PTPRM: variants seen among roughly 807,000 people sequenced by gnomAD.
PTPRM encodes the protein protein tyrosine phosphatase receptor type M, also known as receptor-type tyrosine-protein phosphatase mu.
In PTPRM, 47 loss-of-function variants were observed where a neutral mutation model predicts 186.7. The observed-to-expected ratio is 0.25, with a 90% CI of 0.20 to 0.32. The LOEUF is 0.32. Ranked by LOEUF, PTPRM falls within the 10% of genes least tolerant of loss-of-function variation. The pLI is 1.00. For synonymous variants in PTPRM, 668 were observed against 674.9 expected (o/e 0.99, Z 0.16); for missense variants, 1,494 against 1,865.0 (o/e 0.80, Z 3.66).
chr18:7,937,585 A>G (rs62090940), intron 5 of PTPRM, among the ~76,000 whole-genome samples: 13,579 of 152,296 alleles, frequency 0.089, 643 homozygotes, highest in Middle Eastern at 0.26. Context: ...GGGCCCGAGC[A>G]AAACTCAGGT....
At chr18:7,731,034 A>G (rs1285827417) in intron 1 of PTPRM, among the ~76,000 whole-genome samples, 5 of 152,204 alleles carry the variant, frequency 3.3e-5, no homozygotes, top group African/African-American at 1.2e-4. Context: ...TTAACCGATG[A>G]GAAAGATCAA....
rs145448477 is a variant in PTPRM at position 8,112,510 on chromosome 18, G to T, written c.1857-976G>T. 3.6e-3 allele frequency among the ~76,000 whole-genome samples: 553 copies of T among 152,300 alleles called. 3 individuals are homozygous for T. The highest frequency in any genetic ancestry group is 0.012 in the African/African-American group (512 of 41,558). On this transcript the variant is annotated intron_variant, in intron 11 of 32. Coordinates refer to ENST00000580170, the MANE Select transcript of PTPRM (RefSeq NM_001105244.2). ...TGCCTTTCTGATACTGTAAGAAAAA[G>T]ATCCCTCTTCCTGCCAGAGGACTTA... is the stretch of plus-strand genomic sequence containing the variant.
At chr18:7,792,911 C>G (rs998473690) in intron 2 of PTPRM, among the ~76,000 whole-genome samples, 2 of 152,102 alleles carry the variant, frequency 1.3e-5, no homozygotes, top group East Asian at 3.9e-4. Flanking sequence ...GTAATTCAAC[C>G]ACCTTGGCCT....
At chr18:7,603,682 G>C (rs2037461365) in intron 1 of PTPRM, among the ~76,000 whole-genome samples, 1 of 152,222 alleles carries the variant, frequency 6.6e-6, no homozygotes, top group South Asian at 2.1e-4. Flanking sequence ...TGGTAGCTTT[G>C]GCTTTAAAAT....
intron 1 of PTPRM, among the ~76,000 whole-genome samples, chr18:7,667,329 C>G (rs558984434): frequency 6.6e-6 from 1 of 152,102 alleles, no homozygotes; most frequent in Non-Finnish European, 1.5e-5. Flanking sequence ...TAAGAGTTAA[C>G]GTATTGATGC....
intron 31 of PTPRM, among the ~76,000 whole-genome samples, chr18:8,392,728 G>A (rs2095822581): frequency 6.6e-6 from 1 of 152,100 alleles, no homozygotes; most frequent in African/African-American, 2.4e-5. Flanking sequence ...GTTGCAGAGA[G>A]TAAAGAAATA....
chr18:7,717,956 G>C (rs911787934), intron 1 of PTPRM, among the ~76,000 whole-genome samples: 5 of 152,176 alleles, frequency 3.3e-5, no homozygotes, highest in Non-Finnish European at 7.3e-5. Context: ...GGAGTTGAGA[G>C]TGGCGGGCTA....
chr18:7,919,379 G>A (rs4458115), intron 4 of PTPRM, among the ~76,000 whole-genome samples: 23,225 of 151,976 alleles, frequency 0.15, 1,899 homozygotes, highest in Middle Eastern at 0.33. Context: ...TGTAATTTTT[G>A]AGTAGTATTG....
At chr18:7,597,823 G>T (rs577504893) in intron 1 of PTPRM, among the ~76,000 whole-genome samples, 1 of 152,176 alleles carries the variant, frequency 6.6e-6, no homozygotes, top group Non-Finnish European at 1.5e-5. Context: ...CTATTTGAAA[G>T]AGAGTACAAA....
intron 22 of PTPRM, among the ~76,000 whole-genome samples, chr18:8,321,309 T>C (rs1291916513): frequency 6.6e-6 from 1 of 152,196 alleles, no homozygotes; most frequent in East Asian, 1.9e-4. Flanking sequence ...ATTTTCAATA[T>C]TGAGGCCCTC....
chr18:7,973,022 A>G (rs899383409), intron 7 of PTPRM, among the ~76,000 whole-genome samples: 9 of 152,174 alleles, frequency 5.9e-5, no homozygotes, highest in African/African-American at 1.9e-4. Flanking sequence ...GTTAGAGTCT[A>G]GTACAATACA....
chr18:7,716,151 A>G (rs1052664283), intron 1 of PTPRM, among the ~76,000 whole-genome samples: 24 of 152,318 alleles, frequency 1.6e-4, no homozygotes, highest in Admixed American at 9.8e-4. Context: ...TGGTTCTGGT[A>G]CCAAAACAGA....
chr18:8,289,565 T>TATATATACATATATATATACAC (rs2095013036), intron 19 of PTPRM, among the ~76,000 whole-genome samples: 18 of 96,578 alleles, frequency 1.9e-4, no homozygotes, highest in South Asian at 1.5e-3. Context: ...TATATACACA[T>TATATATACATATATATATACAC]ATATATATAT....
At chr18:8,156,414 T>A (rs1324029664) in intron 14 of PTPRM, among the ~76,000 whole-genome samples, 1 of 152,152 alleles carries the variant, frequency 6.6e-6, no homozygotes, top group Non-Finnish European at 1.5e-5. Flanking sequence ...TTTAAATGAG[T>A]TACTTAACAC....
chr18:7,712,670 C>T (rs2144791453), intron 1 of PTPRM, among the ~76,000 whole-genome samples: 1 of 151,970 alleles, frequency 6.6e-6, no homozygotes, highest in South Asian at 2.1e-4. Flanking sequence ...TAGAGAAGAA[C>T]ATAAATGACC....
At chr18:8,173,486 C>T (rs892285275) in intron 14 of PTPRM, among the ~76,000 whole-genome samples, 2 of 152,174 alleles carry the variant, frequency 1.3e-5, no homozygotes, top group African/African-American at 4.8e-5. Context: ...GAAGTAAACT[C>T]GTAACTGCCC....
chr18:8,395,082 G>A (rs1269816285), intron 32 of PTPRM, among the ~76,000 whole-genome samples: 1 of 152,180 alleles, frequency 6.6e-6, no homozygotes, highest in African/African-American at 2.4e-5. Flanking sequence ...TATTAAAGGA[G>A]ATGAGAAACA....
At chr18:8,165,167 CAAAA>C (rs59978316) in intron 14 of PTPRM, among the ~76,000 whole-genome samples, 2 of 103,308 alleles carry the variant, frequency 1.9e-5, no homozygotes, top group Non-Finnish European at 2.2e-5. Flanking sequence ...GACTCCATCT[CAAAA>C]AAAAAAAAAA....
At chr18:7,702,926 T>G (rs1324314569) in intron 1 of PTPRM, among the ~76,000 whole-genome samples, 1 of 151,870 alleles carries the variant, frequency 6.6e-6, no homozygotes, top group Non-Finnish European at 1.5e-5. Context: ...AGCCATTTAT[T>G]AAATAGGGAA....
Sources: allele counts gnomAD v4.1 joint callset (sites outside exome capture counted in the v4.1 genomes callset), GRCh38; gene constraint gnomAD v4.1.1; transcripts MANE v1.5; gene names NCBI Gene and HGNC (gene_info 2026-07-23, HGNC 2026-07-21).